THSD7B: variants seen among roughly 807,000 people sequenced by gnomAD.
THSD7B encodes thrombospondin type 1 domain containing 7B, also known as thrombospondin type-1 domain-containing protein 7B.
A neutral mutation model predicts 213.6 loss-of-function variants in THSD7B; 138 were observed. The ratio of observed to expected loss-of-function variants is 0.65; its 90% CI spans 0.56 to 0.74. The LOEUF (loss-of-function observed/expected upper bound fraction) is 0.74, where lower values mean the gene tolerates loss of function less well. Among genes scored for constraint, THSD7B ranks in the 30% least tolerant of loss-of-function variants. The probability of loss-of-function intolerance (pLI) is 0.00; values close to 1 mark genes in which losing one functional copy is unlikely to be tolerated. For missense variants in THSD7B, 1,931 were observed against 1,991.5 expected (o/e 0.97, Z 0.58); for synonymous variants, 742 against 687.0 (o/e 1.08, Z -1.25).
chr2:136,882,298 T>C lies in THSD7B; in HGVS notation c.120T>C (p.Asn40=). 1.3e-6 allele frequency: 2 copies of C among 1,537,644 alleles called. No individual in the cohort carries two copies. Among genetic ancestry groups the C allele is most frequent in the Non-Finnish European group, 1.8e-6 (2 of 1,141,868 alleles). The part of the protein sequence containing the change: ...HAAHLEGKKD[N]QFIWKPGPWG... ...CTCATTTGGAAGGCAAAAAGGATAA[T>C]CAGTTCATCTGGAAACCAGGTAGGA... The change falls in exon 2 of 28, where the codon AAT becomes AAC. Residue 40 remains asparagine (N), a synonymous_variant. Transcript: ENST00000409968.
chr2:137,121,968 A>C (rs1336947513), intron 5 of THSD7B, among the ~76,000 whole-genome samples: 1 of 152,178 alleles, frequency 6.6e-6, no homozygotes, highest in Non-Finnish European at 1.5e-5. Context: ...GCAACCAGAC[A>C]AAATAGAAGG....
intron 1 of THSD7B, among the ~76,000 whole-genome samples, chr2:136,791,371 T>A (rs889497167): frequency 6.6e-6 from 1 of 151,998 alleles, no homozygotes; most frequent in Admixed American, 6.6e-5. Context: ...TTTATTGAGA[T>A]GTAATTCGCA....
intron 15 of THSD7B, among the ~76,000 whole-genome samples, chr2:137,531,427 A>T (rs1286414929): frequency 6.6e-6 from 1 of 151,934 alleles, no homozygotes; most frequent in Non-Finnish European, 1.5e-5. Context: ...TCAGGGTGAG[A>T]ACTGTTAGTT....
At chr2:137,231,338 T>G in intron 8 of THSD7B, 103 bp downstream of exon 8, 1 of 1,105,676 alleles carries the variant, frequency 9.0e-7, no homozygotes, top group Non-Finnish European at 1.3e-6. Context: ...TAGTCACACA[T>G]AGACGATATC....
chr2:137,642,161 G>A (rs1208669231), intron 20 of THSD7B: 1 of 210,228 alleles, frequency 4.8e-6, no homozygotes, highest in Non-Finnish European at 9.6e-6. Context: ...GATCATGCTA[G>A]AGCTTAATAA....
chr2:137,612,237 T>C (rs1264484010), intron 17 of THSD7B, among the ~76,000 whole-genome samples: 1 of 152,180 alleles, frequency 6.6e-6, no homozygotes, highest in Admixed American at 6.5e-5. Flanking sequence ...TGCAATGTAA[T>C]TTTTGCTGAT....
At chr2:137,512,793 A>T (rs1679993790) in intron 15 of THSD7B, among the ~76,000 whole-genome samples, 2 of 152,154 alleles carry the variant, frequency 1.3e-5, no homozygotes, top group Non-Finnish European at 2.9e-5. Context: ...CTTTACATGT[A>T]GTAATTCTTT....
chr2:137,482,121 A>T (rs1688323542), intron 15 of THSD7B, among the ~76,000 whole-genome samples: 1 of 151,468 alleles, frequency 6.6e-6, no homozygotes, highest in Admixed American at 6.6e-5. Context: ...TGGAGCTTGC[A>T]GTGAGCCGAG....
intron 7 of THSD7B, among the ~76,000 whole-genome samples, chr2:137,186,485 C>G (rs1380666682): frequency 6.6e-6 from 1 of 152,024 alleles, no homozygotes; most frequent in Non-Finnish European, 1.5e-5. Flanking sequence ...AATAGGGAGT[C>G]CTTTCCTTAT....
At chr2:137,492,221 C>T (rs1043231248) in intron 15 of THSD7B, among the ~76,000 whole-genome samples, 1 of 152,140 alleles carries the variant, frequency 6.6e-6, no homozygotes, top group South Asian at 2.1e-4. Flanking sequence ...GGAAAGCTTG[C>T]TTACTACCAT....
At chr2:137,490,514 C>A (rs1198205448) in intron 15 of THSD7B, among the ~76,000 whole-genome samples, 1 of 152,104 alleles carries the variant, frequency 6.6e-6, no homozygotes, top group East Asian at 1.9e-4. Flanking sequence ...ACAGAGATTT[C>A]CCATATAGCC....
intron 2 of THSD7B, among the ~76,000 whole-genome samples, chr2:136,993,995 T>C (rs1685834734): frequency 6.6e-6 from 1 of 152,208 alleles, no homozygotes; most frequent in Non-Finnish European, 1.5e-5. Context: ...TCTGAGGTTA[T>C]GGTTGGGGAG....
At chr2:137,481,172 AT>A (rs201602437) in intron 15 of THSD7B, among the ~76,000 whole-genome samples, 3,036 of 152,194 alleles carry the variant, frequency 0.02, 99 homozygotes, top group African/African-American at 0.069. Context: ...ATAAGTTTCT[AT>A]TTTTTGAATT....
rs189001287 is a variant in THSD7B, at chr2:137,528,350, C to T, written c.3139-34871C>T. ...TAACTGCTGCCATGTCATTTCAACC[C>T]TCTGAACATTTGTTTCCTCATCTGT... On this transcript the variant is annotated intron_variant, in intron 15 of 27. Coordinates refer to ENST00000409968, the MANE Select transcript of THSD7B (RefSeq NM_001316349.2). 6.6e-5 allele frequency among the ~76,000 whole-genome samples: 10 copies of T among 152,180 alleles called. No homozygotes were observed. The East Asian group carries it at 1.7e-3, about 27-fold the overall frequency.
chr2:137,564,256 C>T (rs1681186473), intron 16 of THSD7B, among the ~76,000 whole-genome samples: 1 of 152,106 alleles, frequency 6.6e-6, no homozygotes, highest in South Asian at 2.1e-4. Flanking sequence ...CTAGTTATGT[C>T]ATTGATTGTT....
chr2:137,350,429 G>A (rs963253152), intron 12 of THSD7B, among the ~76,000 whole-genome samples: 2 of 151,808 alleles, frequency 1.3e-5, no homozygotes, highest in South Asian at 4.1e-4. Flanking sequence ...AAATAGAACC[G>A]TTGTGGTTAA....
intron 2 of THSD7B, among the ~76,000 whole-genome samples, chr2:137,000,924 A>T (rs913078835): frequency 2.0e-5 from 3 of 152,096 alleles, no homozygotes; most frequent in African/African-American, 4.8e-5. Flanking sequence ...TTAGTTAATT[A>T]TAAATTTGAG....
chr2:136,877,552 T>A lies in THSD7B; in HGVS notation c.-35-4592T>A, dbSNP rs1835312. 1.2e-3 allele frequency among the ~76,000 whole-genome samples: 190 copies of A among 152,270 alleles called. 1 individual carries two copies. Among genetic ancestry groups the A allele is most frequent in the African/African-American group, 4.5e-3 (185 of 41,562 alleles). On this transcript the variant is annotated intron_variant, in intron 1 of 27. Transcript: ENST00000409968. ...AATTTGAAGAAAAGTTTTGGTTGCT[T>A]TTTACTTCTCATCCCTGGATTGAGG...
chr2:137,004,982 T>C (rs1242531303), intron 2 of THSD7B, among the ~76,000 whole-genome samples: 2 of 152,234 alleles, frequency 1.3e-5, no homozygotes, highest in Non-Finnish European at 2.9e-5. Context: ...CATGCATGAG[T>C]GCATTTTGTA....
Sources: gnomAD v4.1 joint callset for allele counts (sites outside exome capture counted in the v4.1 genomes callset) on GRCh38, gnomAD v4.1.1 for gene constraint, MANE v1.5 for transcripts, NCBI Gene and HGNC (gene_info 2026-07-23, HGNC 2026-07-21) for gene names.